The following MCF2L2 variants were observed in gnomAD, a reference collection of about 807,000 sequenced individuals.
The protein encoded by MCF2L2 is probable guanine nucleotide exchange factor MCF2L2.
In MCF2L2, 102 loss-of-function variants were observed where a neutral mutation model predicts 150.2. That is an observed-to-expected ratio of 0.68 (90% confidence interval 0.58 to 0.80). MCF2L2 has a LOEUF of 0.80. MCF2L2 is among the 30% of genes least tolerant of loss of function. MCF2L2 has a pLI of 0.00. For synonymous variants in MCF2L2, 465 were observed against 491.3 expected, an observed-to-expected ratio of 0.95 and a Z score of 0.71; for missense variants, 1,256 against 1,372.8, an observed-to-expected ratio of 0.91 and a Z score of 1.34.
chr3:183,346,528 C>A (rs934818541), intron 3 of MCF2L2, among the ~76,000 whole-genome samples: 1 of 152,174 alleles, frequency 6.6e-6, no homozygotes, highest in African/African-American at 2.4e-5. Context: ...TCTCACCACT[C>A]CTATTCAACA....
At chr3:183,364,283 G>A (rs756340310) in intron 3 of MCF2L2, among the ~76,000 whole-genome samples, 6 of 152,102 alleles carry the variant, frequency 3.9e-5, no homozygotes, top group African/African-American at 4.8e-5. Flanking sequence ...TTGGGAGGGC[G>A]AGGCGGGCGG....
At chr3:183,180,585 C>T (rs1402188402) in intron 27 of MCF2L2, among the ~76,000 whole-genome samples, 1 of 152,170 alleles carries the variant, frequency 6.6e-6, no homozygotes, top group East Asian at 1.9e-4. Flanking sequence ...CACTGCTCCC[C>T]ATAAGGGAAA....
chr3:183,390,935 T>C (rs1210033020), intron 1 of MCF2L2, among the ~76,000 whole-genome samples: 2 of 152,050 alleles, frequency 1.3e-5, no homozygotes, highest in Non-Finnish European at 2.9e-5. Context: ...TAACAAAAAA[T>C]GAATGAACTG....
chr3:183,180,784 A>G (rs1192659019), intron 27 of MCF2L2, among the ~76,000 whole-genome samples: 1 of 152,232 alleles, frequency 6.6e-6, no homozygotes, highest in Non-Finnish European at 1.5e-5. Context: ...CATTTGTCAA[A>G]GTTTAAGCCT....
intron 14 of MCF2L2, among the ~76,000 whole-genome samples, chr3:183,281,264 C>T (rs1466261841): frequency 6.6e-6 from 1 of 151,794 alleles, no homozygotes; most frequent in Non-Finnish European, 1.5e-5. Flanking sequence ...CCAGGGTGTT[C>T]TACATGACGC....
At chr3:183,312,039 G>T (rs1305252150) in intron 7 of MCF2L2, among the ~76,000 whole-genome samples, 2 of 152,092 alleles carry the variant, frequency 1.3e-5, no homozygotes, top group Admixed American at 1.3e-4. Flanking sequence ...TATATCTCAA[G>T]CTATTGTTGT....
At chr3:183,312,067 A>G (rs892941356) in intron 7 of MCF2L2, among the ~76,000 whole-genome samples, 11 of 152,236 alleles carry the variant, frequency 7.2e-5, no homozygotes, top group African/African-American at 2.7e-4. Context: ...AAGCAAAACT[A>G]GTTAATACAA....
chr3:183,277,101 GT>G, intron 14 of MCF2L2, 144 bp from the exon 15 acceptor site: 1 of 615,672 alleles, frequency 1.6e-6, no homozygotes, highest in South Asian at 2.1e-5. Context: ...GCTTTCTCAG[GT>G]TTTCCCCAGC....
At chr3:183,303,248 T>C (rs1362278891) in intron 10 of MCF2L2, among the ~76,000 whole-genome samples, 1 of 151,464 alleles carries the variant, frequency 6.6e-6, no homozygotes, top group Non-Finnish European at 1.5e-5. Context: ...AAATGTAAGT[T>C]CCATGAGAGC....
At position 183,305,100 on chromosome 3, in the gene MCF2L2, G is replaced by C. The variant is rs1439618615; in HGVS notation, c.1113+4616C>G. ...TTGATACAGGTACTGTTTTACCAAA[G>C]GGAAGTGGAGCACAATGGCCCAAGG... On this transcript the variant is annotated intron_variant, in intron 10 of 29. Transcript: ENST00000328913. The surrounding 1 kb of genome is among the most constrained non-coding windows in gnomAD (Gnocchi z 4.1). Among the ~76,000 whole-genome samples the C allele has an allele frequency of 3.3e-5, 5 of 152,170 alleles. No individual in the cohort carries two copies. Among genetic ancestry groups the C allele is most frequent in the African/African-American group, 1.2e-4 (5 of 41,438 alleles).
chr3:183,316,431 A>G (rs1356220221), intron 7 of MCF2L2, among the ~76,000 whole-genome samples: 2 of 147,448 alleles, frequency 1.4e-5, no homozygotes, highest in South Asian at 4.3e-4. Flanking sequence ...TGCAACCTCC[A>G]TCTCCCGGGT....
At chr3:183,346,498 CACAAG>C (rs1730902596) in intron 3 of MCF2L2, among the ~76,000 whole-genome samples, 3 of 152,172 alleles carry the variant, frequency 2.0e-5, no homozygotes, top group Admixed American at 1.3e-4. Flanking sequence ...TGAAAACTGG[CACAAG>C]ACAAGGATGC....
chr3:183,224,930 A>G (rs1576937704), intron 18 of MCF2L2: 1 of 152,240 alleles, frequency 6.6e-6, no homozygotes, highest in African/African-American at 2.4e-5. Context: ...GAGAAAGCAC[A>G]CTCCAAGCCT....
intron 15 of MCF2L2, among the ~76,000 whole-genome samples, chr3:183,247,974 A>T (rs978542191): frequency 6.6e-6 from 1 of 152,222 alleles, no homozygotes; most frequent in Non-Finnish European, 1.5e-5. Context: ...CCCAAAGATA[A>T]AAAGCATGTC....
At chr3:183,424,236 C>T (rs1716046982) in intron 1 of MCF2L2, among the ~76,000 whole-genome samples, 1 of 152,154 alleles carries the variant, frequency 6.6e-6, no homozygotes, top group African/African-American at 2.4e-5. Flanking sequence ...GATGAAAACA[C>T]ATCTAGACAT....
chr3:183,262,859 G>A lies in MCF2L2; in HGVS notation c.1862+14013C>T, dbSNP rs563576303. Among the ~76,000 whole-genome samples the A allele has an allele frequency of 4.6e-5, 7 of 152,168 alleles. No individual in the cohort carries two copies. In the East Asian group the frequency reaches 5.8e-4, roughly 13 times the overall value. On this transcript the variant is annotated intron_variant, in intron 15 of 29. Coordinates refer to ENST00000328913, the MANE Select transcript of MCF2L2 (RefSeq NM_015078.4). ...GCTAGATAGTGCCATTTGTGGTGAC[G>A]CTGCCTGCCTGGTAAGTCCCATTTC...
intron 1 of MCF2L2, among the ~76,000 whole-genome samples, chr3:183,397,638 T>C (rs1014596062): frequency 2.0e-5 from 3 of 152,228 alleles, no homozygotes; most frequent in Admixed American, 6.5e-5. Flanking sequence ...ATCTTAACAA[T>C]GAATAAGATT....
chr3:183,296,762 T>C (rs1228824511), intron 12 of MCF2L2: 3 of 536,596 alleles, frequency 5.6e-6, no homozygotes, highest in Non-Finnish European at 6.7e-6. Context: ...TAAGCATTAA[T>C]AGAGAAATGA....
chr3:183,304,132 CT>C (rs1728985207), intron 10 of MCF2L2, among the ~76,000 whole-genome samples: 1 of 152,202 alleles, frequency 6.6e-6, no homozygotes, highest in South Asian at 2.1e-4. Context: ...CTCCAGAAAA[CT>C]TTCTCTGTGC....
Sources: allele counts gnomAD v4.1 joint callset (sites outside exome capture counted in the v4.1 genomes callset), GRCh38; gene constraint gnomAD v4.1.1; non-coding constraint Gnocchi (gnomAD v3.1); transcripts MANE v1.5; gene names NCBI Gene and HGNC (gene_info 2026-07-23, HGNC 2026-07-21).